Variants in ABCC4 observed in about 807,000 individuals in gnomAD.
ABCC4 encodes ATP binding cassette subfamily C member 4 (PEL blood group), also known as ATP-binding cassette sub-family C member 4.
Under a neutral mutation model 168.5 loss-of-function variants are expected in ABCC4, and 102 were observed. The ratio of observed to expected loss-of-function variants is 0.61; its 90% CI spans 0.52 to 0.71. The LOEUF (loss-of-function observed/expected upper bound fraction) is 0.71, where lower values mean the gene tolerates loss of function less well. Ranked by LOEUF, ABCC4 falls within the 30% of genes least tolerant of loss-of-function variation. The pLI is 0.00. For synonymous variants in ABCC4, 617 were observed against 590.7 expected (o/e 1.04, Z -0.65); for missense variants, 1,402 against 1,605.8 (o/e 0.87, Z 2.17).
intron 3 of ABCC4, among the ~76,000 whole-genome samples, chr13:95,237,692 A>C (rs771356234): frequency 4.6e-5 from 7 of 152,060 alleles, no homozygotes; most frequent in Non-Finnish European, 1.0e-4. Context: ...GACACATTAC[A>C]TGTCTAGGCC....
At chr13:95,047,237 G>A (rs901528423) in intron 27 of ABCC4, among the ~76,000 whole-genome samples, 29 of 152,258 alleles carry the variant, frequency 1.9e-4, no homozygotes, top group African/African-American at 6.7e-4. Context: ...AGTCCTGCCT[G>A]GCTCTGCCAA....
intron 19 of ABCC4, among the ~76,000 whole-genome samples, chr13:95,128,519 A>G (rs1365840278): frequency 6.6e-6 from 1 of 152,238 alleles, no homozygotes; most frequent in East Asian, 1.9e-4. Flanking sequence ...TTGGCTCTGA[A>G]CATCATAGCT....
intron 4 of ABCC4, among the ~76,000 whole-genome samples, chr13:95,211,319 T>C (rs1251797174): frequency 1.3e-5 from 2 of 152,116 alleles, no homozygotes; most frequent in Non-Finnish European, 2.9e-5. Context: ...GACACAGTCA[T>C]GTTTTCCTGC....
At chr13:95,220,586 T>C (rs2039286431) in intron 4 of ABCC4, among the ~76,000 whole-genome samples, 1 of 152,188 alleles carries the variant, frequency 6.6e-6, no homozygotes, top group Admixed American at 6.5e-5. Flanking sequence ...ACTTATTCAC[T>C]AACATACATT....
chr13:95,258,441 C>T (rs560959830), intron 1 of ABCC4, among the ~76,000 whole-genome samples: 1 of 152,222 alleles, frequency 6.6e-6, no homozygotes, highest in Admixed American at 6.5e-5. Flanking sequence ...GGTCTCAATC[C>T]CCAGAAAGTC....
intron 19 of ABCC4, among the ~76,000 whole-genome samples, chr13:95,135,848 T>C (rs1374980589): frequency 6.6e-6 from 1 of 152,200 alleles, no homozygotes; most frequent in Non-Finnish European, 1.5e-5. Flanking sequence ...CTACCTACTG[T>C]ATGTAATTGT....
chr13:95,163,071 A>C lies in ABCC4; in HGVS notation c.2308+51T>G, dbSNP rs753231197. On this transcript the variant is annotated intron_variant, in intron 18 of 30. Transcript: ENST00000645237. ...AAGCCCTAGTTACTCACACAGGCTC[A>C]TTGTAAGCACCTCAGCCTCTCATAC... 4 of 1,327,164 alleles carry C rather than the reference A, an allele frequency of 3.0e-6. No individual in the cohort carries two copies. The African/African-American group carries it at 4.3e-5, about 14-fold the overall frequency. 82.2% of individuals were successfully genotyped at this position (1,327,164 alleles called of 1,614,324 possible).
At chr13:95,123,958 G>A (rs1841860684) in intron 19 of ABCC4, among the ~76,000 whole-genome samples, 2 of 152,270 alleles carry the variant, frequency 1.3e-5, no homozygotes, top group Non-Finnish European at 2.9e-5. Context: ...CAGGTGGAAG[G>A]AATGACATCC....
At chr13:95,050,055 A>C (rs2032764817) in intron 27 of ABCC4, among the ~76,000 whole-genome samples, 1 of 152,230 alleles carries the variant, frequency 6.6e-6, no homozygotes, top group South Asian at 2.1e-4. Context: ...TATCAATGAA[A>C]GATGAAAACC....
chr13:95,038,386 A>AAC (rs2139230887), intron 29 of ABCC4, among the ~76,000 whole-genome samples: 1 of 151,586 alleles, frequency 6.6e-6, no homozygotes, highest in East Asian at 1.9e-4. Context: ...AAAAAAAAAA[A>AAC]AAAAAAAAAG....
At position 95,240,306 on chromosome 13, in the gene ABCC4, T is replaced by C. The variant is rs1044959960; in HGVS notation, c.307-5472A>G. Among the ~76,000 whole-genome samples, 26 of 152,268 alleles carry C rather than the reference T, an allele frequency of 1.7e-4. 1 individual carries two copies. The East Asian group carries it at 4.8e-3, about 28-fold the overall frequency. On this transcript the variant is annotated intron_variant, in intron 3 of 30. Transcript: ENST00000645237. ...CAGCACTTTGAGAGGCTGAGGCAGGTGGACCACTTGAGGTCAGGAGTTCGA... is the reference window on the plus strand; with the variant it reads ...CAGCACTTTGAGAGGCTGAGGCAGGCGGACCACTTGAGGTCAGGAGTTCGA...
At chr13:95,051,010 A>G (rs2032807545) in intron 27 of ABCC4, among the ~76,000 whole-genome samples, 1 of 152,230 alleles carries the variant, frequency 6.6e-6, no homozygotes, top group Admixed American at 6.5e-5. Context: ...CTGAGAGTTT[A>G]GGGGCACAGG....
Position 95,247,687 on chromosome 13 carries a change from C to T in ABCC4, c.141G>A (p.Val47=), listed in dbSNP as rs2040143416. ...GGTGCTGTGAGCGGTCTTCTGGCAG[C>T]ACTGAATACATATCATCTTCCTCTA... ...RRLEEDDMYS[V]LPEDRSQHLG... Residue 47 remains valine (V), a synonymous_variant, in exon 2 of 31, where the codon GTG becomes GTA. Coordinates refer to ENST00000645237, the MANE Select transcript of ABCC4 (RefSeq NM_005845.5). The T allele has an allele frequency of 6.2e-7, 1 of 1,613,960 alleles. No homozygotes were observed. The highest frequency in any genetic ancestry group is 1.3e-5 in the African/African-American group (1 of 74,894).
intron 19 of ABCC4, among the ~76,000 whole-genome samples, chr13:95,119,432 CTGAG>C (rs1225866914): frequency 1.3e-5 from 2 of 152,094 alleles, no homozygotes; most frequent in African/African-American, 4.8e-5. Flanking sequence ...AAATTTTCCT[CTGAG>C]AGAGAGAGAG....
intron 19 of ABCC4, among the ~76,000 whole-genome samples, chr13:95,125,171 C>T (rs1301024416): frequency 6.6e-6 from 1 of 152,162 alleles, no homozygotes; most frequent in Non-Finnish European, 1.5e-5. Context: ...GTGACTCATA[C>T]CCAGCTCCTG....
At chr13:95,121,682 T>C (rs1347089841) in intron 19 of ABCC4, among the ~76,000 whole-genome samples, 6 of 152,124 alleles carry the variant, frequency 3.9e-5, no homozygotes, top group Non-Finnish European at 8.8e-5. Flanking sequence ...GTGCTGGGAA[T>C]ACAGGCATGA....
At chr13:95,213,705 T>C (rs374834639) in intron 4 of ABCC4, among the ~76,000 whole-genome samples, 49 of 152,242 alleles carry the variant, frequency 3.2e-4, no homozygotes, top group South Asian at 2.1e-3. Context: ...TTAACAGCTG[T>C]GCACTTGGAA....
chr13:95,160,138 C>T (rs891020075), intron 19 of ABCC4, among the ~76,000 whole-genome samples: 1 of 152,148 alleles, frequency 6.6e-6, no homozygotes, highest in Admixed American at 6.5e-5. Flanking sequence ...AATTAGTAAC[C>T]AGCACCAGGA....
In ABCC4 at chr13:95,244,665, G is replaced by GAAATAAAT. The variant is rs1432440350; in HGVS notation, c.306+2309_306+2310insATTTATTT. ...AGAAAGAAAGAAAGAAAGAAAGAAA[G>GAAATAAAT]AAAGAAATCATAGCAGTTCCTGGTA... On this transcript the variant is annotated intron_variant, in intron 3 of 30. Transcript: ENST00000645237. Among the ~76,000 whole-genome samples, 5 of 82,380 alleles carry GAAATAAAT rather than the reference G, an allele frequency of 6.1e-5. 1 individual carries two copies. The highest frequency in any genetic ancestry group is 2.7e-4 in the Admixed American group (2 of 7,308). The allele number at this position is 82,380 out of a possible 152,430, so 54.0% of individuals were successfully genotyped here. A position where few individuals can be genotyped will look rare whatever the true frequency, so the allele number is the denominator to read the frequency against.
Sources: allele counts gnomAD v4.1 joint callset (sites outside exome capture counted in the v4.1 genomes callset), GRCh38; gene constraint gnomAD v4.1.1; transcripts MANE v1.5; gene names NCBI Gene and HGNC (gene_info 2026-07-23, HGNC 2026-07-21).